TOP1MT: variants seen among roughly 807,000 people sequenced by gnomAD.
TOP1MT encodes the protein DNA topoisomerase I, mitochondrial.
In TOP1MT, 80 loss-of-function variants were observed where a neutral mutation model predicts 73.9. That is an observed-to-expected ratio of 1.08 (90% CI 0.90 to 1.30). TOP1MT has a LOEUF of 1.30. Ranked by LOEUF, TOP1MT falls within the 50% of genes most tolerant of loss-of-function variation. The pLI is 0.00. For synonymous variants in TOP1MT, 338 were observed against 326.4 expected (o/e 1.04, Z -0.38); for missense variants, 815 against 808.0 (o/e 1.01, Z -0.10).
intron 10 of TOP1MT, 147 bp from the exon 11 acceptor site, chr8:143,316,273 C>T: frequency 7.7e-7 from 1 of 1,295,202 alleles, no homozygotes; most frequent in Admixed American, 2.0e-5. Context: ...GGCCAAGGGT[C>T]AGTGACCCTC....
intron 3 of TOP1MT, chr8:143,328,461 T>C (rs1816761600): frequency 8.2e-6 from 3 of 367,998 alleles, no homozygotes; most frequent in South Asian, 2.1e-5. Context: ...TCACTTGTCA[T>C]TAGGGAAACG....
intron 12 of TOP1MT, among the ~76,000 whole-genome samples, chr8:143,310,846 G>A (rs1252299066): frequency 2.0e-5 from 3 of 152,244 alleles, no homozygotes; most frequent in Non-Finnish European, 4.4e-5. Flanking sequence ...CATCCCCAGG[G>A]GCCGAGGGAC....
chr8:143,314,206 A>G (rs1433924032), intron 12 of TOP1MT, among the ~76,000 whole-genome samples: 1 of 152,136 alleles, frequency 6.6e-6, no homozygotes, highest in Non-Finnish European at 1.5e-5. Flanking sequence ...TGACCCCACA[A>G]TGACAATCAC....
At chr8:143,309,891 GGGCA>G (rs760200128) in intron 13 of TOP1MT, 173 bp downstream of exon 13, 4 of 1,563,896 alleles carry the variant, frequency 2.6e-6, no homozygotes, top group Non-Finnish European at 3.4e-6. Context: ...CGAACGTTCA[GGGCA>G]GGGAGAGCTG....
At chr8:143,335,943 G>A (rs529118575), upstream of TOP1MT, among the ~76,000 whole-genome samples, 96 of 152,330 alleles carry the variant, frequency 6.3e-4, no homozygotes, top group Middle Eastern at 0.014. Context: ...CATCATTTCA[G>A]AATGAGCAGC....
chr8:143,340,553 C>T (rs2980262), intron 2 of TOP1MT, among the ~76,000 whole-genome samples: 16,736 of 152,040 alleles, frequency 0.11, 3,134 homozygotes, highest in African/African-American at 0.38. Context: ...GGCTGGCTTC[C>T]GGCTGCCCTG....
rs1586757316 is a variant in TOP1MT, at chr8:143,321,664, A to C, written c.961-278T>G. On this transcript the variant is annotated intron_variant, in intron 7 of 13. Transcript: ENST00000329245. ...CGCCACACACAGGCACGCCACACAC[A>C]CGCACGCCACACACGCACGCCACGC... Among the ~76,000 whole-genome samples, 2 of 98,574 alleles carry C rather than the reference A, an allele frequency of 2.0e-5. 1 individual carries two copies. Among genetic ancestry groups the C allele is most frequent in the Non-Finnish European group, 3.9e-5 (2 of 51,038 alleles). 64.7% of individuals were successfully genotyped at this position (98,574 alleles called of 152,430 possible). A position where few individuals can be genotyped will look rare whatever the true frequency, so the allele number is the denominator to read the frequency against.
At chr8:143,334,972 G>A (rs1816957779), upstream of TOP1MT, 31 of 1,119,982 alleles carry the variant, frequency 2.8e-5, no homozygotes, top group East Asian at 3.9e-5. Context: ...CCCCAGCGGC[G>A]CTCATCCCAA....
intron 8 of TOP1MT, among the ~76,000 whole-genome samples, chr8:143,319,767 G>A (rs113042440): frequency 5.7e-4 from 87 of 152,142 alleles, no homozygotes; most frequent in Non-Finnish European, 1.0e-3. Context: ...GGTGTACTGG[G>A]GTGAAAAGTG....
At chr8:143,323,265 T>G (rs1438215461) in intron 7 of TOP1MT, among the ~76,000 whole-genome samples, 38 of 13,980 alleles carry the variant, frequency 2.7e-3, no homozygotes, top group African/African-American at 6.5e-3. Flanking sequence ...GCCACACACA[T>G]GCACGCCACA....
At position 143,331,214 on chromosome 8, in the gene TOP1MT, G is replaced by A. The variant is rs1816844693; in HGVS notation, c.238+10C>T. The A allele has an allele frequency of 1.9e-6, 3 of 1,590,504 alleles. No individual in the cohort carries two copies. Among genetic ancestry groups the A allele is most frequent in the African/African-American group, 2.7e-5 (2 of 74,508 alleles). On this transcript the variant is annotated intron_variant, in intron 2 of 13. Coordinates refer to ENST00000329245, the MANE Select transcript of TOP1MT (RefSeq NM_052963.3). ...GCAGGCTGGGGAGGAGCCGCTCCCT[G>A]CATCCTTACCTTCATAGAAGAAACG... is the stretch of plus-strand genomic sequence containing the variant.
chr8:143,349,851 G>T (rs1817292058), upstream of TOP1MT, among the ~76,000 whole-genome samples: 1 of 152,152 alleles, frequency 6.6e-6, no homozygotes, highest in Non-Finnish European at 1.5e-5. Flanking sequence ...ATGTTGGCCA[G>T]GCTGGTCTCG....
intron 12 of TOP1MT, among the ~76,000 whole-genome samples, chr8:143,311,117 A>ATTT (rs769172231): frequency 2.1e-4 from 22 of 106,826 alleles, no homozygotes; most frequent in East Asian, 8.0e-4. Context: ...CACGCACATG[A>ATTT]TTTTTTTTTT....
chr8:143,321,919 A>ACAAACATGCACGC (rs1563758532), intron 7 of TOP1MT, among the ~76,000 whole-genome samples: 41 of 73,956 alleles, frequency 5.5e-4, no homozygotes, highest in African/African-American at 1.8e-3. Flanking sequence ...CAGGCACGCC[A>ACAAACATGCACGC]CACACATGCA....
upstream of TOP1MT, among the ~76,000 whole-genome samples, chr8:143,336,746 G>T (rs944863091): frequency 6.6e-6 from 1 of 152,280 alleles, no homozygotes; most frequent in East Asian, 1.9e-4. Context: ...ACTTTGGGAG[G>T]TCAAAGCAAG....
Position 143,316,028 on chromosome 8 carries a change from C to G in TOP1MT, c.1429G>C (p.Glu477Gln), listed in dbSNP as rs138274766. 39 of 1,614,160 alleles carry G rather than the reference C, an allele frequency of 2.4e-5. No homozygotes were observed. The highest frequency in any genetic ancestry group is 3.1e-5 in the Non-Finnish European group (36 of 1,180,000). ...GTCTGGAGATTCTGCATCGACTTCT[C>G]GAACGTACTGGGGGTTGCTCGCTGA... Reference protein sequence around the residue: ...NHQRATPSTFEKSMQNLQTKI... With the variant: ...NHQRATPSTFQKSMQNLQTKI... The change falls in exon 11 of 14, where the codon GAG (glutamate) becomes CAG (glutamine). Residue 477 changes from glutamate (E) to glutamine (Q), a missense_variant. Coordinates refer to ENST00000329245, the MANE Select transcript of TOP1MT (RefSeq NM_052963.3).
At chr8:143,353,260 T>A (rs1217046202) in intron 1 of TOP1MT, among the ~76,000 whole-genome samples, 1 of 151,594 alleles carries the variant, frequency 6.6e-6, no homozygotes, top group Non-Finnish European at 1.5e-5. Context: ...ACCAAAAATT[T>A]AAAAAATTAG....
In TOP1MT at chr8:143,331,129, C is replaced by A. The variant is rs920588874; in HGVS notation, c.238+95G>T. Reference sequence around the variant, plus strand: ...CAGAGCGCTCATAGCCAGAAGCCTGCAGGGGGGCTGAGGGAGCGAGCCAGA... The same window carrying A: ...CAGAGCGCTCATAGCCAGAAGCCTGAAGGGGGGCTGAGGGAGCGAGCCAGA... On this transcript the variant is annotated intron_variant, in intron 2 of 13. Coordinates refer to ENST00000329245, the MANE Select transcript of TOP1MT (RefSeq NM_052963.3). The A allele has an allele frequency of 1.3e-5, 12 of 955,984 alleles. No homozygotes were observed. The East Asian group carries it at 3.0e-4, about 24-fold the overall frequency. The allele number at this position is 955,984 out of a possible 1,614,324, so 59.2% of individuals were successfully genotyped here. A position where few individuals can be genotyped will look rare whatever the true frequency, so the allele number is the denominator to read the frequency against.
At chr8:143,338,916 T>C (rs1414808068), upstream of TOP1MT, among the ~76,000 whole-genome samples, 1 of 152,232 alleles carries the variant, frequency 6.6e-6, no homozygotes, top group African/African-American at 2.4e-5. Flanking sequence ...ACTCAGGGGT[T>C]GCCCAAGGGA....
Sources: allele counts gnomAD v4.1 joint callset (sites outside exome capture counted in the v4.1 genomes callset), GRCh38; gene constraint gnomAD v4.1.1; transcripts MANE v1.5; gene names NCBI Gene and HGNC (gene_info 2026-07-23, HGNC 2026-07-21).